Variants in CSMD1 observed in about 807,000 individuals in gnomAD.
The protein encoded by CSMD1 is CUB and sushi domain-containing protein 1.
Under a neutral mutation model 417.5 loss-of-function variants are expected in CSMD1, and 213 were observed. The observed-to-expected ratio is 0.51, with a 90% confidence interval of 0.46 to 0.57. The LOEUF (loss-of-function observed/expected upper bound fraction) is 0.57, where lower values mean the gene tolerates loss of function less well. CSMD1 is among the 20% of genes least tolerant of loss of function. The pLI is 0.00. For missense variants in CSMD1, 6,923 were observed against 4,529.7 expected (o/e 1.53, Z -15.17); for synonymous variants, 2,862 against 1,736.8 (o/e 1.65, Z -16.11).
chr8:3,303,097 A>T (rs887611695), intron 25 of CSMD1, among the ~76,000 whole-genome samples: 1 of 152,228 alleles, frequency 6.6e-6, no homozygotes, highest in East Asian at 1.9e-4. Context: ...TTGTCTATGA[A>T]AACTAAGGGA....
chr8:3,744,680 G>A (rs899041147), intron 6 of CSMD1, among the ~76,000 whole-genome samples: 2 of 152,170 alleles, frequency 1.3e-5, no homozygotes, highest in African/African-American at 2.4e-5. Flanking sequence ...CCTACAGACA[G>A]GTAGCAAATA....
chr8:4,549,913 A>G (rs1189302536), intron 2 of CSMD1, among the ~76,000 whole-genome samples: 3 of 150,826 alleles, frequency 2.0e-5, no homozygotes, highest in Non-Finnish European at 4.4e-5. Context: ...AAAAAAAAAA[A>G]AAAAAAAGAA....
intron 53 of CSMD1, among the ~76,000 whole-genome samples, chr8:2,998,567 T>C (rs1232789045): frequency 6.6e-6 from 1 of 152,244 alleles, no homozygotes. Context: ...ACACACCAGC[T>C]GACTCTGTGA....
At chr8:4,392,511 G>A (rs902693239) in intron 3 of CSMD1, among the ~76,000 whole-genome samples, 49 of 152,068 alleles carry the variant, frequency 3.2e-4, no homozygotes, top group Non-Finnish European at 1.2e-4. Flanking sequence ...AAGAATCACG[G>A]TTTGTGTGTG....
In CSMD1 at chr8:3,830,821, G is replaced by A. The variant is rs575793080; in HGVS notation, c.819-76779C>T. On this transcript the variant is annotated intron_variant, in intron 5 of 69. Coordinates refer to ENST00000635120, the MANE Select transcript of CSMD1 (RefSeq NM_033225.6). ...GCTAACTGAAATAAAATAATTAGGA[G>A]TTATTAAGCTCTCCTTTCATGCATG... is the stretch of plus-strand genomic sequence containing the variant. Among the ~76,000 whole-genome samples, 9 of 152,278 alleles carry A rather than the reference G, an allele frequency of 5.9e-5. 1 individual carries two copies. The South Asian group carries it at 1.9e-3, about 32-fold the overall frequency.
intron 5 of CSMD1, among the ~76,000 whole-genome samples, chr8:3,785,410 G>C (rs576827494): frequency 3.0e-4 from 46 of 152,298 alleles, no homozygotes; most frequent in African/African-American, 9.6e-4. Flanking sequence ...TCTGGTGAGA[G>C]GTCAGGCTAA....
intron 25 of CSMD1, among the ~76,000 whole-genome samples, chr8:3,288,504 A>T (rs1803316711): frequency 6.8e-6 from 1 of 147,204 alleles, no homozygotes; most frequent in South Asian, 2.1e-4. Flanking sequence ...TCAGAGATTC[A>T]ACTTCTTCCT....
At chr8:3,676,580 C>T (rs1436609341) in intron 7 of CSMD1, among the ~76,000 whole-genome samples, 6 of 152,134 alleles carry the variant, frequency 3.9e-5, no homozygotes, top group African/African-American at 1.4e-4. Flanking sequence ...AAATCATATA[C>T]ACGGATATAT....
chr8:3,931,155 C>G (rs75294051), intron 5 of CSMD1, among the ~76,000 whole-genome samples: 2,981 of 150,620 alleles, frequency 0.02, 236 homozygotes, highest in African/African-American at 0.069. Context: ...AGCTAAACAT[C>G]GTCTGCATCT....
At chr8:4,590,698 C>G (rs996159300) in intron 2 of CSMD1, among the ~76,000 whole-genome samples, 2 of 152,112 alleles carry the variant, frequency 1.3e-5, no homozygotes, top group Non-Finnish European at 2.9e-5. Context: ...ATGAGAAGCA[C>G]TGAATAGATA....
At chr8:3,829,759 T>A (rs905634947) in intron 5 of CSMD1, among the ~76,000 whole-genome samples, 2 of 152,196 alleles carry the variant, frequency 1.3e-5, no homozygotes, top group Non-Finnish European at 2.9e-5. Context: ...ACCCCAATTA[T>A]GTGATTTCTC....
chr8:4,014,368 A>C (rs187626183), intron 4 of CSMD1, among the ~76,000 whole-genome samples: 1 of 152,308 alleles, frequency 6.6e-6, no homozygotes, highest in South Asian at 2.1e-4. Context: ...ATTGAGAATC[A>C]AATTATGTCA....
chr8:4,341,980 G>T (rs1246365836), intron 3 of CSMD1, among the ~76,000 whole-genome samples: 1 of 152,088 alleles, frequency 6.6e-6, no homozygotes, highest in East Asian at 1.9e-4. Context: ...AGAGACGAAA[G>T]TGGCCTTATT....
chr8:3,915,952 G>C (rs540896370), intron 5 of CSMD1, among the ~76,000 whole-genome samples: 3 of 150,834 alleles, frequency 2.0e-5, no homozygotes, highest in African/African-American at 7.3e-5. Context: ...CCAAACTTTA[G>C]GTAAACGGAC....
At chr8:4,679,764 C>T (rs1317211206) in intron 1 of CSMD1, among the ~76,000 whole-genome samples, 1 of 151,948 alleles carries the variant, frequency 6.6e-6, no homozygotes, top group African/African-American at 2.4e-5. Context: ...TTAAATGAAG[C>T]TTTATGCTAA....
At chr8:3,104,676 A>G (rs1418441177) in intron 46 of CSMD1, among the ~76,000 whole-genome samples, 1 of 151,602 alleles carries the variant, frequency 6.6e-6, no homozygotes, top group Non-Finnish European at 1.5e-5. Flanking sequence ...CAGAATGAGA[A>G]TGCACAAAGT....
At chr8:3,195,817 T>G (rs960273151) in intron 33 of CSMD1, among the ~76,000 whole-genome samples, 1 of 152,176 alleles carries the variant, frequency 6.6e-6, no homozygotes, top group Non-Finnish European at 1.5e-5. Context: ...AAAGCAAGAA[T>G]TGTGTATCTC....
At position 3,000,123 on chromosome 8, in the gene CSMD1, A is replaced by T; in HGVS notation, c.8038T>A (p.Cys2680Ser). The T allele has an allele frequency of 6.5e-7, 1 of 1,545,186 alleles. No homozygotes were observed. Reference sequence around the variant, plus strand: ...TTCACAATCGGGTCTGGGGAACCGCAGTGGCCAGCTAAAAATGTTAAACCA... The same window carrying T: ...TTCACAATCGGGTCTGGGGAACCGCTGTGGCCAGCTAAAAATGTTAAACCA... ...GSETRCLAGH[C>S]GSPDPIVNGH... Residue 2680 changes from cysteine (C) to serine (S), a missense_variant, in exon 53 of 70, where the codon TGC (cysteine) becomes AGC (serine). Transcript: ENST00000635120.
At chr8:3,945,836 G>A (rs138106682) in intron 5 of CSMD1, among the ~76,000 whole-genome samples, 1 of 152,002 alleles carries the variant, frequency 6.6e-6, no homozygotes, top group African/African-American at 2.4e-5. Context: ...AGTATAAAAG[G>A]TAAATATTGA....
Sources: gnomAD v4.1 joint callset for allele counts (sites outside exome capture counted in the v4.1 genomes callset) on GRCh38, gnomAD v4.1.1 for gene constraint, MANE v1.5 for transcripts, NCBI Gene and HGNC (gene_info 2026-07-23, HGNC 2026-07-21) for gene names.